The following MRE11 variants were observed in gnomAD, a reference collection of about 807,000 sequenced individuals.
MRE11 encodes the protein double-strand break repair protein MRE11.
In MRE11, 62 loss-of-function variants were observed where a neutral mutation model predicts 91.7. The ratio of observed to expected loss-of-function variants is 0.68; its 90% CI spans 0.55 to 0.84. The LOEUF is 0.84. MRE11 is among the 40% of genes least tolerant of loss of function. The probability of loss-of-function intolerance (pLI) is 0.00; values close to 1 mark genes in which losing one functional copy is unlikely to be tolerated. For missense variants in MRE11, 796 were observed against 852.9 expected (o/e 0.93, Z 0.83); for synonymous variants, 273 against 271.4 (o/e 1.01, Z -0.06).
At chr11:94,496,987 A>C, upstream of MRE11, 1 of 1,610,066 alleles carries the variant, frequency 6.2e-7, no homozygotes, top group Non-Finnish European at 8.5e-7. Flanking sequence ...GTGTGACAGT[A>C]GGAAAAGCAC....
At chr11:94,458,307 TTTTC>T (rs1371565454) in intron 13 of MRE11, among the ~76,000 whole-genome samples, 4 of 152,034 alleles carry the variant, frequency 2.6e-5, no homozygotes, top group African/African-American at 7.2e-5. Flanking sequence ...ATCTGGGATA[TTTTC>T]TTTATTTACA....
rs1591665693 is a variant in MRE11, at chr11:94,454,829, AT to A, written c.1563+1446del. Among the ~76,000 whole-genome samples, 3 of 152,196 alleles carry A rather than the reference AT, an allele frequency of 2.0e-5. No individual in the cohort carries two copies. The East Asian group carries it at 5.8e-4, about 29-fold the overall frequency. ...AAGAAATATTTCTGTACCCTGTTAA[AT>A]TGAAAGGGTTAATCAATTTTAAGCT... On this transcript the variant is annotated intron_variant, in intron 14 of 19. Coordinates refer to ENST00000323929, the MANE Select transcript of MRE11 (RefSeq NM_005591.4).
intron 14 of MRE11, among the ~76,000 whole-genome samples, chr11:94,454,879 T>C (rs953518103): frequency 2.0e-5 from 3 of 152,226 alleles, no homozygotes; most frequent in Admixed American, 1.3e-4. Context: ...TCAGGAATCA[T>C]TTCTTCCTAG....
chr11:94,464,055 G>C (rs987267501), intron 11 of MRE11, 58 bp downstream of exon 11: 1 of 1,547,990 alleles, frequency 6.5e-7, no homozygotes, highest in Non-Finnish European at 8.9e-7. Context: ...TTTTAATAAA[G>C]ATTCCTTCAC....
chr11:94,445,936 C>T, intron 15 of MRE11, 43 bp from the exon 16 acceptor site: 1 of 1,399,250 alleles, frequency 7.1e-7, no homozygotes, highest in Non-Finnish European at 1.0e-6. Flanking sequence ...CTATCAGCAG[C>T]TAAGGTTTAT....
intron 19 of MRE11, among the ~76,000 whole-genome samples, chr11:94,422,192 C>A (rs927996494): frequency 2.0e-5 from 3 of 152,148 alleles, no homozygotes; most frequent in African/African-American, 7.2e-5. Flanking sequence ...ATCCTTCAGT[C>A]ATGTAGTTTT....
intron 12 of MRE11, 106 bp from the exon 13 acceptor site, chr11:94,459,687 G>C (rs748275174): frequency 1.7e-6 from 2 of 1,208,022 alleles, no homozygotes; most frequent in Non-Finnish European, 2.3e-6. Context: ...AAAAAATATA[G>C]TGAACAGCTG....
chr11:94,478,824 T>A lies in MRE11; in HGVS notation c.455A>T (p.His152Leu). 1 of 1,613,872 alleles carries A rather than the reference T, an allele frequency of 6.2e-7. No homozygotes were observed. The highest frequency in any genetic ancestry group is 1.1e-5 in the South Asian group (1 of 91,084). Residue 152 changes from histidine (H) to leucine (L), a missense_variant, in exon 6 of 20, where the codon CAC becomes CTC. By Grantham distance (99) the His-to-Leu change is moderately conservative. Transcript: ENST00000323929. ...DILSCAGFVN[H>L]FGRSMSVEKI... is the part of the protein sequence containing the mutation. Reference sequence around the variant, plus strand: ...CTCCACAGACATTGAACGTCCAAAGTGATTTACAAATCCAGCACAACTTAA... The same window carrying A: ...CTCCACAGACATTGAACGTCCAAAGAGATTTACAAATCCAGCACAACTTAA...
At chr11:94,445,743 C>G in intron 16 of MRE11, 67 bp downstream of exon 16, 1 of 1,132,360 alleles carries the variant, frequency 8.8e-7, no homozygotes, top group South Asian at 1.2e-5. Flanking sequence ...TAAGGGCTAC[C>G]AATGGTGATT....
rs116041287 is a variant in MRE11 at position 94,420,717 on chromosome 11, A to G, written c.2071-536T>C. Among the ~76,000 whole-genome samples the G allele has an allele frequency of 2.9e-3, 447 of 152,354 alleles. 2 individuals are homozygous for G. Among genetic ancestry groups the G allele is most frequent in the African/African-American group, 9.1e-3 (379 of 41,582 alleles). ...CAAATAGTTTTTTGGATAAAAAAAG[A>G]AATACATGCAGTTATTTCAAGAGTT... On this transcript the variant is annotated intron_variant, in intron 19 of 19. Transcript: ENST00000323929.
chr11:94,440,793 C>T (rs553617654), intron 16 of MRE11, among the ~76,000 whole-genome samples: 15 of 152,284 alleles, frequency 9.9e-5, no homozygotes, highest in African/African-American at 3.1e-4. Flanking sequence ...CTCCTTTCCC[C>T]CACTTTCTAC....
At chr11:94,476,014 G>A (rs1946844213) in intron 7 of MRE11, among the ~76,000 whole-genome samples, 1 of 152,134 alleles carries the variant, frequency 6.6e-6, no homozygotes, top group East Asian at 1.9e-4. Context: ...ATGGGATAAA[G>A]GAATGGATAA....
rs138807638 is a variant in MRE11, at chr11:94,485,069, C to T, written c.314+855G>A. Among the ~76,000 whole-genome samples, 434 of 152,040 alleles carry T rather than the reference C, an allele frequency of 2.9e-3. 2 individuals carry two copies. The highest frequency in any genetic ancestry group is 0.01 in the African/African-American group (418 of 41,500). The stretch of plus-strand genomic sequence containing the variant: ...TCTACTAAAAATACAAAAAATTTGC[C>T]GGGCGTGGTGATGGGCGCCTGTAAT... On this transcript the variant is annotated intron_variant, in intron 4 of 19. Coordinates refer to ENST00000323929, the MANE Select transcript of MRE11 (RefSeq NM_005591.4).
intron 11 of MRE11, among the ~76,000 whole-genome samples, chr11:94,462,683 G>C (rs1472265630): frequency 2.6e-5 from 4 of 152,180 alleles, no homozygotes; most frequent in African/African-American, 7.2e-5. Flanking sequence ...ATGGGGAAAG[G>C]ATTCCCTATT....
intron 2 of MRE11, 195 bp downstream of exon 2, chr11:94,492,587 C>T (rs1470232453): frequency 4.2e-6 from 4 of 946,158 alleles, no homozygotes; most frequent in Admixed American, 4.3e-5. Context: ...CAATCTATAG[C>T]TGCATATTAG....
the MRE11 span, among the ~76,000 whole-genome samples, chr11:94,511,994 A>G: frequency 6.6e-6 from 1 of 152,244 alleles, no homozygotes; most frequent in Non-Finnish European, 1.5e-5. Context: ...AATCCTCAGT[A>G]TTTACTTATT....
chr11:94,452,508 T>A (rs1255398779), intron 14 of MRE11, among the ~76,000 whole-genome samples: 1 of 152,212 alleles, frequency 6.6e-6, no homozygotes, highest in Admixed American at 6.5e-5. Context: ...TGTGGCAGTA[T>A]GTAGCAAAAT....
At chr11:94,468,004 T>G (rs1946612197) in intron 9 of MRE11, 111 bp from the exon 10 acceptor site, 5 of 799,942 alleles carry the variant, frequency 6.3e-6, no homozygotes, top group Non-Finnish European at 8.6e-6. Context: ...CATCTTTATT[T>G]CCTAGGTCAT....
intron 18 of MRE11, among the ~76,000 whole-genome samples, chr11:94,433,131 TG>T (rs936114781): frequency 1.3e-5 from 2 of 152,242 alleles, no homozygotes; most frequent in South Asian, 2.1e-4. Flanking sequence ...AAATATATCC[TG>T]AAACCATCTG....
Sources: gnomAD v4.1 joint callset for allele counts (sites outside exome capture counted in the v4.1 genomes callset) on GRCh38, gnomAD v4.1.1 for gene constraint, MANE v1.5 for transcripts, NCBI Gene and HGNC (gene_info 2026-07-23, HGNC 2026-07-21) for gene names.